CTNNA3: variants seen among roughly 807,000 people sequenced by gnomAD.
CTNNA3 encodes the protein catenin alpha 3.
Under a neutral mutation model 95.7 loss-of-function variants are expected in CTNNA3, and 76 were observed. That is an observed-to-expected ratio of 0.79 (90% confidence interval 0.66 to 0.96). The LOEUF is 0.96. Among genes scored for constraint, CTNNA3 ranks in the 40% least tolerant of loss-of-function variants. CTNNA3 has a pLI of 0.00. For missense variants in CTNNA3, 1,191 were observed against 1,089.8 expected (o/e 1.09, Z -1.31); for synonymous variants, 431 against 374.4 (o/e 1.15, Z -1.74).
At chr10:66,582,470 G>A (rs1487979394) in intron 10 of CTNNA3, among the ~76,000 whole-genome samples, 1 of 151,642 alleles carries the variant, frequency 6.6e-6, no homozygotes, top group African/African-American at 2.4e-5. Flanking sequence ...CAGTGATACT[G>A]ATTTATGCAC....
At chr10:66,856,848 G>T (rs527479243) in intron 7 of CTNNA3, among the ~76,000 whole-genome samples, 1 of 152,132 alleles carries the variant, frequency 6.6e-6, no homozygotes, top group South Asian at 2.1e-4. Context: ...CTCCTATCCT[G>T]CAGGTTGTCT....
intron 14 of CTNNA3, among the ~76,000 whole-genome samples, chr10:66,101,447 G>C (rs2081626806): frequency 6.6e-6 from 1 of 152,118 alleles, no homozygotes; most frequent in South Asian, 2.1e-4. Flanking sequence ...CAATGTTTCT[G>C]ATAAAACACA....
At chr10:66,564,291 T>G (rs1044264618) in intron 10 of CTNNA3, among the ~76,000 whole-genome samples, 1 of 152,160 alleles carries the variant, frequency 6.6e-6, no homozygotes, top group Non-Finnish European at 1.5e-5. Flanking sequence ...TGTGACATAC[T>G]ACAGATCTTG....
In CTNNA3 at chr10:66,305,489, T is replaced by G. The variant is rs142077950; in HGVS notation, c.1733-24868A>C. ...ATCTTTAATCCTGTGTTACCTTCCT[T>G]CCACCATCCTGATTCAAAATCCCCT... On this transcript the variant is annotated intron_variant, in intron 12 of 17. Transcript: ENST00000433211. Among the ~76,000 whole-genome samples the G allele has an allele frequency of 1.8e-3, 273 of 152,302 alleles. 1 individual carries two copies. Among genetic ancestry groups the G allele is most frequent in the Middle Eastern group, 6.8e-3 (2 of 294 alleles).
intron 11 of CTNNA3, among the ~76,000 whole-genome samples, chr10:66,488,998 T>A (rs561259582): frequency 6.6e-6 from 1 of 152,048 alleles, no homozygotes; most frequent in Non-Finnish European, 1.5e-5. Context: ...CTATTGAAAG[T>A]TGAAGAGGAG....
At chr10:66,278,336 T>C (rs578043939) in intron 13 of CTNNA3, among the ~76,000 whole-genome samples, 4 of 151,754 alleles carry the variant, frequency 2.6e-5, no homozygotes, top group Non-Finnish European at 4.4e-5. Context: ...CAGGCACTAA[T>C]TTGAATGTAT....
intron 5 of CTNNA3, among the ~76,000 whole-genome samples, chr10:67,361,099 A>T (rs1484698092): frequency 6.6e-6 from 1 of 152,172 alleles, no homozygotes; most frequent in East Asian, 1.9e-4. Flanking sequence ...ATATCTCTGC[A>T]CCCAACATCA....
intron 5 of CTNNA3, among the ~76,000 whole-genome samples, chr10:67,393,068 AATAAAT>A (rs1780110200): frequency 6.6e-6 from 1 of 151,924 alleles, no homozygotes; most frequent in Non-Finnish European, 1.5e-5. Flanking sequence ...ATAAAAAAAA[AATAAAT>A]AAAAATAAAA....
chr10:66,461,214 G>C (rs184109268), intron 11 of CTNNA3, among the ~76,000 whole-genome samples: 1 of 151,950 alleles, frequency 6.6e-6, no homozygotes, highest in Non-Finnish European at 1.5e-5. Context: ...TTTTTGGAGG[G>C]TATCTGATAA....
At chr10:66,845,703 C>CAAAAAAAAAAAAAACAA (rs1843223437) in intron 7 of CTNNA3, among the ~76,000 whole-genome samples, 1 of 23,536 alleles carries the variant, frequency 4.2e-5, no homozygotes, top group African/African-American at 1.0e-4. Context: ...AACTCTGTCT[C>CAAAAAAAAAAAAAACAA]AAAAAAAAAA....
At chr10:66,399,631 C>T (rs1325124855) in intron 11 of CTNNA3, among the ~76,000 whole-genome samples, 4 of 151,848 alleles carry the variant, frequency 2.6e-5, no homozygotes, top group Non-Finnish European at 5.9e-5. Context: ...TGCAAAATTC[C>T]TTTGTTCCTT....
chr10:67,052,313 A>ACTCTCTCT (rs3841706), intron 7 of CTNNA3, among the ~76,000 whole-genome samples: 5,234 of 120,810 alleles, frequency 0.043, 153 homozygotes, highest in South Asian at 0.067. Context: ...CCCACTCATC[A>ACTCTCTCT]CTCTCTCTCT....
At chr10:66,795,290 T>G (rs1841143208) in intron 7 of CTNNA3, among the ~76,000 whole-genome samples, 1 of 152,184 alleles carries the variant, frequency 6.6e-6, no homozygotes, top group African/African-American at 2.4e-5. Context: ...CCTTGATCCA[T>G]GGGTTACAGA....
chr10:66,476,011 A>G (rs1839313543), intron 11 of CTNNA3, among the ~76,000 whole-genome samples: 1 of 152,180 alleles, frequency 6.6e-6, no homozygotes, highest in African/African-American at 2.4e-5. Context: ...GTACATATAC[A>G]TCATGGAATA....
intron 15 of CTNNA3, among the ~76,000 whole-genome samples, chr10:66,014,807 T>C (rs1015717606): frequency 3.9e-5 from 6 of 152,166 alleles, no homozygotes; most frequent in Non-Finnish European, 2.9e-5. Flanking sequence ...GATCACGCTA[T>C]ATAACTTTTT....
chr10:67,305,594 TA>T (rs1165684889), intron 5 of CTNNA3, among the ~76,000 whole-genome samples: 1 of 151,546 alleles, frequency 6.6e-6, no homozygotes, highest in Non-Finnish European at 1.5e-5. Context: ...ATGTGAATTG[TA>T]AAAAAATAAA....
chr10:67,503,939 C>T (rs1045655327), intron 5 of CTNNA3, among the ~76,000 whole-genome samples: 2 of 152,084 alleles, frequency 1.3e-5, no homozygotes, highest in Non-Finnish European at 2.9e-5. Flanking sequence ...GGGCGGATCA[C>T]AAGGTCAGGA....
intron 11 of CTNNA3, among the ~76,000 whole-genome samples, chr10:66,461,941 T>C (rs930664710): frequency 7.3e-5 from 11 of 151,470 alleles, no homozygotes; most frequent in African/African-American, 2.7e-4. Context: ...GCCTCCTGAG[T>C]AGCTGGGATT....
At chr10:66,511,184 CT>C (rs1360571397) in intron 11 of CTNNA3, among the ~76,000 whole-genome samples, 2 of 151,536 alleles carry the variant, frequency 1.3e-5, no homozygotes, top group African/African-American at 4.8e-5. Flanking sequence ...ATAGTTGTTC[CT>C]AACAGTCTCT....
Sources: gnomAD v4.1 joint callset for allele counts (sites outside exome capture counted in the v4.1 genomes callset) on GRCh38, gnomAD v4.1.1 for gene constraint, MANE v1.5 for transcripts, NCBI Gene and HGNC (gene_info 2026-07-23, HGNC 2026-07-21) for gene names.